NMNAT3: variants seen among roughly 807,000 people sequenced by gnomAD.
NMNAT3 encodes nicotinamide/nicotinic acid mononucleotide adenylyltransferase 3.
In NMNAT3, 21 loss-of-function variants were observed where a neutral mutation model predicts 24.8. That is an observed-to-expected ratio of 0.85 (90% CI 0.60 to 1.22). The LOEUF is 1.22. Among genes scored for constraint, NMNAT3 ranks in the 50% most tolerant of loss-of-function variants. The probability of loss-of-function intolerance (pLI) is 0.00; values close to 1 mark genes in which losing one functional copy is unlikely to be tolerated. For missense variants in NMNAT3, 387 were observed against 436.6 expected (o/e 0.89, Z 1.01); for synonymous variants, 136 against 155.2 (o/e 0.88, Z 0.92).
At chr3:139,637,574 A>C (rs2056547737) in intron 2 of NMNAT3, 1 of 152,064 alleles carries the variant, frequency 6.6e-6, no homozygotes, top group Non-Finnish European at 1.5e-5. Flanking sequence ...TTTTGGCCTC[A>C]CTCTACCTCT....
chr3:139,569,530 C>A (rs552349172), intron 6 of NMNAT3: 3 of 152,134 alleles, frequency 2.0e-5, no homozygotes, highest in Non-Finnish European at 2.9e-5. Flanking sequence ...TCTTTTAGGG[C>A]AGGCCTGGTG....
chr3:139,600,367 G>T (rs533913302), intron 3 of NMNAT3, among the ~76,000 whole-genome samples: 1 of 150,892 alleles, frequency 6.6e-6, no homozygotes. Context: ...GTGCAATGGC[G>T]CAATCTTGGC....
intron 1 of NMNAT3, among the ~76,000 whole-genome samples, chr3:139,672,031 C>T (rs573181891): frequency 5.3e-5 from 8 of 152,316 alleles, no homozygotes; most frequent in East Asian, 1.9e-4. Context: ...AACCTTTCAG[C>T]GAGCAGCCTG....
chr3:139,611,642 G>C (rs1157429203), intron 3 of NMNAT3, among the ~76,000 whole-genome samples: 4 of 152,184 alleles, frequency 2.6e-5, no homozygotes, highest in Non-Finnish European at 5.9e-5. Context: ...AGATAGAGAA[G>C]AGAATCCCAA....
intron 1 of NMNAT3, among the ~76,000 whole-genome samples, chr3:139,675,135 TACACAC>T (rs148834873): frequency 3.4e-5 from 5 of 148,228 alleles, no homozygotes; most frequent in African/African-American, 5.0e-5. Flanking sequence ...CTTTTAAACA[TACACAC>T]ACACACACAC....
chr3:139,655,004 G>A (rs72975816), intron 1 of NMNAT3, among the ~76,000 whole-genome samples: 1,953 of 152,312 alleles, frequency 0.013, 44 homozygotes, highest in African/African-American at 0.044. Context: ...GCAGAGGAGA[G>A]CCCTAGGCTC....
intron 6 of NMNAT3, among the ~76,000 whole-genome samples, chr3:139,571,706 G>A (rs112037420): frequency 2.0e-5 from 3 of 152,198 alleles, no homozygotes; most frequent in Middle Eastern, 3.4e-3. Flanking sequence ...AGAGCAGCTG[G>A]GGCTGGTTCC....
chr3:139,660,151 C>T (rs2057369616), intron 1 of NMNAT3, among the ~76,000 whole-genome samples: 1 of 152,170 alleles, frequency 6.6e-6, no homozygotes, highest in South Asian at 2.1e-4. Context: ...TGGGAAGCCC[C>T]TCTCCTCCTG....
intron 1 of NMNAT3, among the ~76,000 whole-genome samples, chr3:139,674,523 G>C (rs56711752): frequency 0.4 from 60,904 of 152,072 alleles, 12,498 homozygotes; most frequent in Non-Finnish European, 0.45. Flanking sequence ...GCTCAAAGTG[G>C]TTTAACATAG....
chr3:139,567,004 G>A (rs1379635176), intron 6 of NMNAT3: 1 of 151,728 alleles, frequency 6.6e-6, no homozygotes, highest in East Asian at 1.9e-4. Flanking sequence ...AGCATGGAAT[G>A]TTCTTCCATT....
chr3:139,576,162 G>A (rs1939277009), intron 5 of NMNAT3: 1 of 985,330 alleles, frequency 1.0e-6, no homozygotes, highest in Non-Finnish European at 1.2e-6. Flanking sequence ...GACACTAAAT[G>A]GAGCAAAAGA....
chr3:139,626,008 A>G (rs1350982548), intron 3 of NMNAT3, among the ~76,000 whole-genome samples: 1 of 152,184 alleles, frequency 6.6e-6, no homozygotes, highest in African/African-American at 2.4e-5. Flanking sequence ...TTCAGTAACA[A>G]GATGTCTGCT....
chr3:139,623,703 C>T (rs2055908583), intron 3 of NMNAT3, among the ~76,000 whole-genome samples: 1 of 152,130 alleles, frequency 6.6e-6, no homozygotes, highest in Non-Finnish European at 1.5e-5. Context: ...CTGCCTGAGC[C>T]TCCCAAGTAG....
chr3:139,661,930 A>G (rs1484399920), intron 1 of NMNAT3, among the ~76,000 whole-genome samples: 1 of 152,192 alleles, frequency 6.6e-6, no homozygotes, highest in Non-Finnish European at 1.5e-5. Flanking sequence ...CCTTGATATC[A>G]TCTAATCCAA....
chr3:139,671,793 A>C (rs2057765211), intron 1 of NMNAT3, among the ~76,000 whole-genome samples: 1 of 152,246 alleles, frequency 6.6e-6, no homozygotes, highest in Admixed American at 6.5e-5. Flanking sequence ...AGTGAGTAAT[A>C]ATTCCAAGTT....
intron 1 of NMNAT3, among the ~76,000 whole-genome samples, chr3:139,661,081 C>T (rs1485977799): frequency 1.3e-5 from 2 of 152,134 alleles, no homozygotes; most frequent in African/African-American, 4.8e-5. Context: ...GAAGGACAGT[C>T]GCATACCATA....
At chr3:139,649,674 GT>G in intron 1 of NMNAT3, among the ~76,000 whole-genome samples, 1 of 152,250 alleles carries the variant, frequency 6.6e-6, no homozygotes, top group South Asian at 2.1e-4. Flanking sequence ...GTGTTTGTGA[GT>G]TGCACACCAG....
chr3:139,624,911 G>A (rs187947926), intron 3 of NMNAT3, among the ~76,000 whole-genome samples: 7 of 152,196 alleles, frequency 4.6e-5, no homozygotes, highest in African/African-American at 1.7e-4. Flanking sequence ...TTTTCTGTGT[G>A]CTTATTCTAT....
chr3:139,651,316 T>G (rs1450294006), intron 1 of NMNAT3, among the ~76,000 whole-genome samples: 1 of 152,218 alleles, frequency 6.6e-6, no homozygotes, highest in African/African-American at 2.4e-5. Flanking sequence ...AGTCTCCATT[T>G]TTTTTTGCAA....
Sources: allele counts gnomAD v4.1 joint callset (sites outside exome capture counted in the v4.1 genomes callset), GRCh38; gene constraint gnomAD v4.1.1; transcripts MANE v1.5; gene names NCBI Gene and HGNC (gene_info 2026-07-23, HGNC 2026-07-21).